The following PDHX variants were observed in gnomAD, a reference collection of about 807,000 sequenced individuals.
PDHX encodes the protein pyruvate dehydrogenase complex component X.
A neutral mutation model predicts 55.3 loss-of-function variants in PDHX; 33 were observed. The ratio of observed to expected loss-of-function variants is 0.60; its 90% CI spans 0.45 to 0.80. PDHX has a LOEUF of 0.80. Ranked by LOEUF, PDHX falls within the 30% of genes least tolerant of loss-of-function variation. The pLI, the probability that PDHX is intolerant of heterozygous loss-of-function variation, is 0.00. For synonymous variants in PDHX, 226 were observed against 219.4 expected (o/e 1.03, Z -0.27); for missense variants, 622 against 619.9 (o/e 1.00, Z -0.04).
intron 2 of PDHX, among the ~76,000 whole-genome samples, chr11:34,938,885 G>A (rs1324496763): frequency 1.3e-5 from 2 of 152,192 alleles, no homozygotes. Flanking sequence ...TTCCCTGAAG[G>A]TTGCTCTTAA....
At chr11:34,983,095 C>G (rs938007779) in intron 8 of PDHX, among the ~76,000 whole-genome samples, 1 of 152,154 alleles carries the variant, frequency 6.6e-6, no homozygotes, top group Non-Finnish European at 1.5e-5. Flanking sequence ...TGGCTTCATC[C>G]CTGGGATGCA....
intron 10 of PDHX, among the ~76,000 whole-genome samples, 199 bp downstream of exon 10, chr11:34,992,578 T>G (rs1855777584): frequency 6.6e-6 from 1 of 152,226 alleles, no homozygotes; most frequent in South Asian, 2.1e-4. Flanking sequence ...CCTATTAGTG[T>G]TGAACTAAAC....
In PDHX at chr11:34,957,557, G is replaced by A. The variant is rs1565159939; in HGVS notation, c.516G>A (p.Lys172=). 4.3e-6 allele frequency: 7 copies of A among 1,613,764 alleles called. No homozygotes were observed. In the South Asian group the frequency reaches 5.5e-5, roughly 13 times the overall value. ...AACCACAGATTTCCATCCCTGTCAA[G>A]AAGGAACACATACCCGGGACACTAC... ...SPEPQISIPV[K]KEHIPGTLRF... Residue 172 remains lysine (K), a synonymous_variant, in exon 4 of 11, where the codon AAG becomes AAA. Coordinates refer to ENST00000227868, the MANE Select transcript of PDHX (RefSeq NM_003477.3).
chr11:34,918,718 A>G (rs1299150200), intron 1 of PDHX, among the ~76,000 whole-genome samples: 1 of 152,212 alleles, frequency 6.6e-6, no homozygotes, highest in Non-Finnish European at 1.5e-5. Flanking sequence ...ATAGTTCTAG[A>G]GGTCCGAAGT....
At chr11:34,937,688 G>A (rs1001759079) in intron 2 of PDHX, among the ~76,000 whole-genome samples, 5 of 152,060 alleles carry the variant, frequency 3.3e-5, no homozygotes, top group Non-Finnish European at 2.9e-5. Flanking sequence ...AAATGATTTT[G>A]AATCTATATG....
At chr11:34,984,191 A>C (rs751386091) in intron 8 of PDHX, among the ~76,000 whole-genome samples, 1 of 152,202 alleles carries the variant, frequency 6.6e-6, no homozygotes, top group Non-Finnish European at 1.5e-5. Flanking sequence ...ATCTAATATT[A>C]TTACCTGTTT....
At chr11:34,993,195 T>C (rs2762953) in intron 10 of PDHX, among the ~76,000 whole-genome samples, 98,284 of 151,788 alleles carry the variant, frequency 0.65, 32,257 homozygotes, top group East Asian at 0.75. Flanking sequence ...TTTCTGGATA[T>C]ACAGACCTTT....
chr11:34,974,620 A>G (rs1389471846), intron 7 of PDHX, among the ~76,000 whole-genome samples: 2 of 152,142 alleles, frequency 1.3e-5, no homozygotes, highest in Non-Finnish European at 2.9e-5. Flanking sequence ...GCCATTTTGC[A>G]TTCCCACTAA....
chr11:34,952,081 A>G (rs1854787292), intron 3 of PDHX, among the ~76,000 whole-genome samples: 1 of 152,252 alleles, frequency 6.6e-6, no homozygotes, highest in South Asian at 2.1e-4. Context: ...CAAATAAACT[A>G]GAAAATCTAG....
chr11:34,940,518 T>C (rs1854448615), intron 2 of PDHX, among the ~76,000 whole-genome samples: 2 of 152,242 alleles, frequency 1.3e-5, no homozygotes, highest in South Asian at 2.1e-4. Flanking sequence ...ATTTCACAAA[T>C]AGCTTCCTTT....
intron 6 of PDHX, among the ~76,000 whole-genome samples, chr11:34,968,007 C>T (rs1855171549): frequency 6.6e-6 from 1 of 152,100 alleles, no homozygotes; most frequent in African/African-American, 2.4e-5. Flanking sequence ...TGGTGGCTTA[C>T]ACCTGTAATC....
chr11:34,983,317 A>T (rs1189992795), intron 8 of PDHX, among the ~76,000 whole-genome samples: 1 of 152,178 alleles, frequency 6.6e-6, no homozygotes, highest in Non-Finnish European at 1.5e-5. Flanking sequence ...AGCTGATATC[A>T]TACTGAATAG....
At chr11:34,927,029 A>G (rs1854041839) in intron 1 of PDHX, among the ~76,000 whole-genome samples, 1 of 152,076 alleles carries the variant, frequency 6.6e-6, no homozygotes, top group Non-Finnish European at 1.5e-5. Flanking sequence ...AAAGAGTAAA[A>G]TAGTTATGAG....
chr11:34,946,084 G>GT (rs1399972041), intron 2 of PDHX, among the ~76,000 whole-genome samples: 5 of 151,890 alleles, frequency 3.3e-5, no homozygotes, highest in Non-Finnish European at 5.9e-5. Flanking sequence ...GTTTTGTTTT[G>GT]TTTTTTGTTT....
At chr11:34,951,946 A>C (rs1854781890) in intron 3 of PDHX, among the ~76,000 whole-genome samples, 1 of 152,108 alleles carries the variant, frequency 6.6e-6, no homozygotes, top group Admixed American at 6.5e-5. Flanking sequence ...ACCATTTATT[A>C]AATAGGGAAT....
intron 2 of PDHX, among the ~76,000 whole-genome samples, chr11:34,942,347 T>C (rs1291144930): frequency 6.6e-6 from 1 of 152,236 alleles, no homozygotes; most frequent in Non-Finnish European, 1.5e-5. Flanking sequence ...TATTTTTACC[T>C]AGAGATGTTG....
Position 34,950,191 on chromosome 11 carries a change from T to A in PDHX, c.342+2585T>A, listed in dbSNP as rs935800128. On this transcript the variant is annotated intron_variant, in intron 3 of 10. Coordinates refer to ENST00000227868, the MANE Select transcript of PDHX (RefSeq NM_003477.3). ...CCCATTCAAAGTTGCCTTTTAATGG[T>A]TTGAAAGTTTATGGTTGAAATTTGA... Among the ~76,000 whole-genome samples, 11 of 152,006 alleles carry A rather than the reference T, an allele frequency of 7.2e-5. 1 individual carries two copies. Among genetic ancestry groups the A allele is most frequent in the Admixed American group, 7.2e-4 (11 of 15,264 alleles).
chr11:34,931,544 T>TG, intron 2 of PDHX, 60 bp downstream of exon 2: 1 of 948,958 alleles, frequency 1.1e-6, no homozygotes, highest in South Asian at 1.4e-5. Context: ...TTGTTTTGTT[T>TG]TTTTTTTTCC....
intron 7 of PDHX, 177 bp from the exon 8 acceptor site, chr11:34,977,947 C>G (rs1855414416): frequency 1.6e-6 from 1 of 607,270 alleles, no homozygotes; most frequent in Admixed American, 2.6e-5. Flanking sequence ...GATCCAGGAC[C>G]TCATATAATG....
Sources: allele counts gnomAD v4.1 joint callset (sites outside exome capture counted in the v4.1 genomes callset), GRCh38; gene constraint gnomAD v4.1.1; transcripts MANE v1.5; gene names NCBI Gene and HGNC (gene_info 2026-07-23, HGNC 2026-07-21).